Variants in EGF observed in about 807,000 individuals in gnomAD.
EGF encodes pro-epidermal growth factor.
Under a neutral mutation model 143.8 loss-of-function variants are expected in EGF, and 95 were observed. The ratio of observed to expected loss-of-function variants is 0.66; its 90% CI spans 0.56 to 0.78. The LOEUF (loss-of-function observed/expected upper bound fraction) is 0.78. Among genes scored for constraint, EGF ranks in the 30% least tolerant of loss-of-function variants. EGF has a pLI of 0.00. For synonymous variants in EGF, 510 were observed against 510.5 expected, an observed-to-expected ratio of 1.00 and a Z score of 0.01; for missense variants, 1,320 against 1,470.9, an observed-to-expected ratio of 0.90 and a Z score of 1.68.
intron 6 of EGF, among the ~76,000 whole-genome samples, chr4:109,960,391 T>C (rs1428638266): frequency 6.6e-6 from 1 of 152,212 alleles, no homozygotes; most frequent in East Asian, 1.9e-4. Context: ...ACACTTGTAA[T>C]CTCGGCACTT....
At chr4:110,001,624 T>C (rs1752584069) in intron 21 of EGF, 1 of 985,456 alleles carries the variant, frequency 1.0e-6, no homozygotes, top group African/African-American at 1.7e-5. Flanking sequence ...GTATGTCTTA[T>C]GTTCTGTTGG....
At chr4:110,007,266 C>T (rs1753427106) in intron 22 of EGF, among the ~76,000 whole-genome samples, 1 of 152,220 alleles carries the variant, frequency 6.6e-6, no homozygotes. Context: ...AGATTGTTTT[C>T]TACTCCTCTT....
chr4:109,917,612 T>C (rs2125924421), intron 1 of EGF, among the ~76,000 whole-genome samples: 1 of 152,126 alleles, frequency 6.6e-6, no homozygotes, highest in East Asian at 1.9e-4. Context: ...TGTGATCAGT[T>C]GGTTTTTTAT....
chr4:110,001,531 A>T, intron 21 of EGF: 1 of 693,570 alleles, frequency 1.4e-6, no homozygotes, highest in Non-Finnish European at 1.7e-6. Flanking sequence ...AAAGGGCAGG[A>T]AAAAAAAATG....
intron 5 of EGF, among the ~76,000 whole-genome samples, chr4:109,954,199 A>C (rs964625048): frequency 3.3e-5 from 5 of 152,072 alleles, no homozygotes; most frequent in Non-Finnish European, 7.4e-5. Context: ...CTACAGGCAC[A>C]TGCCACCACA....
chr4:109,981,765 A>G (rs1560732359), intron 15 of EGF, among the ~76,000 whole-genome samples: 1 of 152,218 alleles, frequency 6.6e-6, no homozygotes, highest in Non-Finnish European at 1.5e-5. Context: ...AAATTTACTT[A>G]TGTTTTTCCT....
chr4:109,998,043 A>C (rs1349462720), intron 20 of EGF, among the ~76,000 whole-genome samples: 1 of 152,188 alleles, frequency 6.6e-6, no homozygotes, highest in African/African-American at 2.4e-5. Context: ...CACCCTGGAA[A>C]ATGCTGAATG....
intron 4 of EGF, 83 bp downstream of exon 4, chr4:109,944,152 C>T (rs1742411065): frequency 1.4e-6 from 2 of 1,407,064 alleles, no homozygotes; most frequent in Admixed American, 1.9e-5. Flanking sequence ...GTCAATGGAA[C>T]TGGTATAGTG....
At chr4:109,915,235 A>G (rs1041761077) in intron 1 of EGF, among the ~76,000 whole-genome samples, 2 of 152,226 alleles carry the variant, frequency 1.3e-5, no homozygotes, top group African/African-American at 4.8e-5. Flanking sequence ...GCCTCATTTC[A>G]TATCCATGCT....
At chr4:109,962,105 GAT>G in intron 8 of EGF, 120 bp downstream of exon 8, 1 of 1,503,266 alleles carries the variant, frequency 6.7e-7, no homozygotes, top group Non-Finnish European at 9.2e-7. Flanking sequence ...TATACTGAAA[GAT>G]ATTGTTACAA....
chr4:109,943,064 G>T (rs765940470), intron 2 of EGF, among the ~76,000 whole-genome samples, 190 bp from the exon 3 acceptor site: 1 of 152,112 alleles, frequency 6.6e-6, no homozygotes, highest in Non-Finnish European at 1.5e-5. Context: ...TTACTTAAGG[G>T]TCAGAGGAGG....
chr4:109,917,749 T>C (rs1736955190), intron 1 of EGF, among the ~76,000 whole-genome samples: 2 of 152,116 alleles, frequency 1.3e-5, no homozygotes, highest in African/African-American at 4.8e-5. Context: ...GCCTCCTGAG[T>C]AGTTGGGATT....
At chr4:109,971,136 T>A (rs557520112) in intron 11 of EGF, among the ~76,000 whole-genome samples, 1 of 152,198 alleles carries the variant, frequency 6.6e-6, no homozygotes, top group Non-Finnish European at 1.5e-5. Flanking sequence ...GGTCAAGCAG[T>A]CAACAAGTAC....
At chr4:109,971,315 T>C (rs780558359) in intron 11 of EGF, among the ~76,000 whole-genome samples, 6 of 152,196 alleles carry the variant, frequency 3.9e-5, no homozygotes, top group Non-Finnish European at 5.9e-5. Flanking sequence ...ATAAAAATCA[T>C]AATAATGACC....
At chr4:109,945,030 C>A (rs747101578) in intron 4 of EGF, 43 bp from the exon 5 acceptor site, 9 of 1,595,446 alleles carry the variant, frequency 5.6e-6, no homozygotes, top group Non-Finnish European at 7.7e-6. Flanking sequence ...AGACAAGGAA[C>A]AAATGTTCTG....
At chr4:109,963,357 G>A in intron 9 of EGF, 59 bp downstream of exon 9, 1 of 1,609,382 alleles carries the variant, frequency 6.2e-7, no homozygotes, top group Non-Finnish European at 8.5e-7. Context: ...AAAATCTTTT[G>A]TTTAGAAAGA....
chr4:109,961,324 C>T (rs1307051038), intron 7 of EGF, among the ~76,000 whole-genome samples: 1 of 152,042 alleles, frequency 6.6e-6, no homozygotes, highest in Admixed American at 6.6e-5. Flanking sequence ...CACTGCCCTT[C>T]CTGGGTGATG....
chr4:110,010,414 T>TG (rs1553949732), intron 23 of EGF, among the ~76,000 whole-genome samples: 6 of 152,034 alleles, frequency 3.9e-5, no homozygotes, highest in African/African-American at 1.4e-4. Flanking sequence ...GTAATTTTTT[T>TG]AAAAAAATTT....
chr4:109,945,351 GCGT>G, intron 5 of EGF, 76 bp downstream of exon 5: 1 of 1,488,418 alleles, frequency 6.7e-7, no homozygotes, highest in Non-Finnish European at 9.2e-7. Flanking sequence ...AGACAATGAG[GCGT>G]TGTAGGGGAA....
Sources: allele counts gnomAD v4.1 joint callset (sites outside exome capture counted in the v4.1 genomes callset), GRCh38; gene constraint gnomAD v4.1.1; transcripts MANE v1.5; gene names NCBI Gene and HGNC (gene_info 2026-07-23, HGNC 2026-07-21).